The following VPS54 variants were observed in gnomAD, a reference collection of about 807,000 sequenced individuals.
VPS54 encodes the protein vacuolar protein sorting-associated protein 54.
In VPS54, 45 loss-of-function variants were observed where a neutral mutation model predicts 121.5. That is an observed-to-expected ratio of 0.37 (90% CI 0.29 to 0.47). VPS54 has a LOEUF of 0.47. Among genes scored for constraint, VPS54 ranks in the 20% least tolerant of loss-of-function variants. The probability of loss-of-function intolerance (pLI) is 0.99; values close to 1 mark genes in which losing one functional copy is unlikely to be tolerated. For missense variants in VPS54, 1,090 were observed against 1,131.4 expected, an observed-to-expected ratio of 0.96 and a Z score of 0.52; for synonymous variants, 371 against 385.8, an observed-to-expected ratio of 0.96 and a Z score of 0.45.
rs754704721 is a variant in VPS54 at position 63,893,294 on chromosome 2, T to A, written c.*136A>T. On this transcript the variant is annotated 3_prime_UTR_variant, in exon 23 of 23. Coordinates refer to ENST00000272322, the MANE Select transcript of VPS54 (RefSeq NM_016516.3). ...CTGAATCCAGTTTCCCAACACTTGA[T>A]ACTTTCCTTTTTCCCTTCCCCCACC... The A allele has an allele frequency of 7.4e-6, 6 of 816,074 alleles. No homozygotes were observed. Among genetic ancestry groups the A allele is most frequent in the Non-Finnish European group, 1.3e-5 (6 of 460,598 alleles). 50.6% of individuals were successfully genotyped at this position (816,074 alleles called of 1,614,324 possible).
At chr2:63,903,847 G>T (rs1486006153) in intron 20 of VPS54, among the ~76,000 whole-genome samples, 2 of 151,934 alleles carry the variant, frequency 1.3e-5, no homozygotes, top group East Asian at 1.9e-4. Context: ...ATCAGTCAAA[G>T]AACAGAAGGA....
At chr2:63,916,843 A>G (rs1673400378) in intron 16 of VPS54, 57 bp downstream of exon 16, 5 of 1,537,194 alleles carry the variant, frequency 3.3e-6, no homozygotes, top group Non-Finnish European at 4.5e-6. Context: ...AGGGAGAACT[A>G]GAAGACTTGT....
At chr2:63,985,806 T>A (rs1677024778) in intron 1 of VPS54, among the ~76,000 whole-genome samples, 1 of 152,156 alleles carries the variant, frequency 6.6e-6, no homozygotes, top group Admixed American at 6.5e-5. Flanking sequence ...AATGCTATTT[T>A]GGGAAAATTA....
intron 5 of VPS54, among the ~76,000 whole-genome samples, chr2:63,967,671 A>G (rs1676064081): frequency 7.2e-6 from 1 of 139,754 alleles, no homozygotes; most frequent in Non-Finnish European, 1.5e-5. Context: ...GTGAGCCAAG[A>G]TTGTGCCACT....
intron 9 of VPS54, among the ~76,000 whole-genome samples, chr2:63,945,209 T>TA (rs1032064962): frequency 2.2e-4 from 33 of 151,896 alleles, no homozygotes; most frequent in Admixed American, 4.6e-4. Flanking sequence ...TATGCAGCCA[T>TA]AAAAAAAACA....
chr2:63,966,221 A>G (rs1294596920), intron 5 of VPS54, among the ~76,000 whole-genome samples: 1 of 152,190 alleles, frequency 6.6e-6, no homozygotes, highest in East Asian at 1.9e-4. Flanking sequence ...CTATTACTAC[A>G]TGATCATACT....
chr2:63,918,759 CCTCT>C lies in VPS54; in HGVS notation c.2164+1120_2164+1123del, dbSNP rs554840448. On this transcript the variant is annotated intron_variant, in intron 15 of 22. Transcript: ENST00000272322. ...CCATGCACCTTGCCCTGTAAATCAC[CCTCT>C]CTCTCTAACTTCTTTAGCTACTATT... Among the ~76,000 whole-genome samples the C allele has an allele frequency of 8.6e-5, 13 of 151,954 alleles. No individual in the cohort carries two copies. In the East Asian group the frequency reaches 9.7e-4, roughly 11 times the overall value.
At chr2:63,933,555 T>C (rs1674313782) in intron 12 of VPS54, 118 bp downstream of exon 12, 2 of 884,176 alleles carry the variant, frequency 2.3e-6, no homozygotes, top group South Asian at 4.1e-5. Flanking sequence ...AATTAATATA[T>C]TTTTGTTAAA....
chr2:63,914,360 C>G (rs1297908857), intron 16 of VPS54, 73 bp from the exon 17 acceptor site: 5 of 995,602 alleles, frequency 5.0e-6, no homozygotes, highest in Non-Finnish European at 7.7e-6. Context: ...ATATAAAAAT[C>G]AAATTACTTA....
intron 2 of VPS54, among the ~76,000 whole-genome samples, chr2:63,983,388 TG>T (rs1676886484): frequency 6.6e-6 from 1 of 151,524 alleles, no homozygotes; most frequent in African/African-American, 2.4e-5. Flanking sequence ...CTGCCTGCCT[TG>T]GCCTCCCAAA....
chr2:63,916,712 A>G (rs972605577), intron 16 of VPS54, among the ~76,000 whole-genome samples, 188 bp downstream of exon 16: 2 of 152,140 alleles, frequency 1.3e-5, no homozygotes, highest in African/African-American at 4.8e-5. Context: ...AATGTATGCT[A>G]CAGAAGAGAG....
rs1320979180 is a variant in VPS54, at chr2:63,947,474, A to G, written c.1154T>C (p.Leu385Pro). ...TCTTTGTTTTAAAAGTCCAAATACA[A>G]GAGATATTAGTCTTTCCTGTTAAAA... ...QVLEEERLISLVFGLLKQRKL... is the reference protein window; with the variant it reads ...QVLEEERLISPVFGLLKQRKL... The change falls in exon 9 of 23, where the codon CTT becomes CCT. Residue 385 changes from leucine to proline, a missense_variant. Leu to Pro is a moderately conservative substitution (Grantham distance 98, BLOSUM62 -3). Around this residue, in one of 2 missense-constraint regions of VPS54, gnomAD observed 801 missense variants for 757.0 expected, o/e 1.06. Coordinates refer to ENST00000272322, the MANE Select transcript of VPS54 (RefSeq NM_016516.3). 4 of 1,522,032 alleles carry G rather than the reference A, an allele frequency of 2.6e-6. No individual in the cohort carries two copies. Among genetic ancestry groups the G allele is most frequent in the East Asian group, 4.6e-5 (2 of 43,134 alleles). The allele number at this position is 1,522,032 out of a possible 1,614,324, so 94.3% of individuals were successfully genotyped here.
At chr2:63,996,285 A>C (rs1677586098) in intron 1 of VPS54, among the ~76,000 whole-genome samples, 1 of 152,200 alleles carries the variant, frequency 6.6e-6, no homozygotes, top group Admixed American at 6.5e-5. Context: ...CTCTGAACAT[A>C]AATTGTGAAC....
At chr2:63,913,921 A>T in intron 17 of VPS54, 1 of 1,252,298 alleles carries the variant, frequency 8.0e-7, no homozygotes, top group East Asian at 4.3e-5. Flanking sequence ...AGTCATGTTC[A>T]GCACCTAACG....
intron 3 of VPS54, among the ~76,000 whole-genome samples, chr2:63,978,816 C>T (rs1676666272): frequency 6.6e-6 from 1 of 152,100 alleles, no homozygotes; most frequent in Admixed American, 6.5e-5. Flanking sequence ...GACGGAGTTT[C>T]ACCATGTTGG....
intron 6 of VPS54, among the ~76,000 whole-genome samples, 161 bp from the exon 7 acceptor site, chr2:63,962,604 A>G (rs1184955358): frequency 3.9e-5 from 6 of 152,192 alleles, no homozygotes; most frequent in Non-Finnish European, 2.9e-5. Flanking sequence ...AACAAAATGG[A>G]AGGAAGATAA....
intron 1 of VPS54, among the ~76,000 whole-genome samples, chr2:63,996,733 G>A (rs1319679788): frequency 6.6e-6 from 1 of 152,190 alleles, no homozygotes; most frequent in Non-Finnish European, 1.5e-5. Flanking sequence ...TCTGCCTTAT[G>A]CAGTTGTAGA....
chr2:63,896,339 A>T (rs1301749451), intron 22 of VPS54, among the ~76,000 whole-genome samples: 1 of 152,174 alleles, frequency 6.6e-6, no homozygotes, highest in Non-Finnish European at 1.5e-5. Flanking sequence ...GTTTGTCAAA[A>T]GGGAGGTATG....
At chr2:63,980,238 A>G (rs1273223907) in intron 3 of VPS54, among the ~76,000 whole-genome samples, 4 of 152,172 alleles carry the variant, frequency 2.6e-5, no homozygotes, top group Non-Finnish European at 5.9e-5. Flanking sequence ...TTTTGCTCTG[A>G]AATCTACTTT....
Sources: allele counts gnomAD v4.1 joint callset (sites outside exome capture counted in the v4.1 genomes callset), GRCh38; gene constraint gnomAD v4.1.1; regional missense constraint gnomAD v4.1.1; transcripts MANE v1.5; gene names NCBI Gene and HGNC (gene_info 2026-07-23, HGNC 2026-07-21).